DPP10: variants seen among roughly 807,000 people sequenced by gnomAD.
DPP10 encodes the protein dipeptidyl peptidase like 10, also known as inactive dipeptidyl peptidase 10.
In DPP10, 33 loss-of-function variants were observed where a neutral mutation model predicts 120.9. The observed-to-expected ratio is 0.27, with a 90% confidence interval of 0.21 to 0.37. The LOEUF is 0.37. DPP10 is among the 10% of genes least tolerant of loss of function. The probability of loss-of-function intolerance (pLI) is 1.00; values close to 1 mark genes in which losing one functional copy is unlikely to be tolerated. For missense variants in DPP10, 816 were observed against 942.8 expected (o/e 0.87, Z 1.76); for synonymous variants, 337 against 326.1 (o/e 1.03, Z -0.36).
rs187146045 is a variant in DPP10 at position 115,007,879 on chromosome 2, A to G, written c.61-301360A>G. 3.5e-3 allele frequency among the ~76,000 whole-genome samples: 526 copies of G among 151,862 alleles called. 2 individuals carry two copies. Among genetic ancestry groups the G allele is most frequent in the African/African-American group, 0.012 (488 of 41,442 alleles). On this transcript the variant is annotated intron_variant, in intron 1 of 25. Coordinates refer to ENST00000410059, the MANE Select transcript of DPP10 (RefSeq NM_020868.6). Reference sequence around the variant, plus strand: ...GGAATCCAGCTTACAAGGGAGGTGAAGGACCTCTTCAAGGAGAACTAGAAA... The same window carrying G: ...GGAATCCAGCTTACAAGGGAGGTGAGGGACCTCTTCAAGGAGAACTAGAAA...
At chr2:115,597,528 T>C (rs1232604092) in intron 5 of DPP10, among the ~76,000 whole-genome samples, 1 of 146,008 alleles carries the variant, frequency 6.8e-6, no homozygotes, top group Non-Finnish European at 1.5e-5. Flanking sequence ...AGGTCATATA[T>C]ACATATATAT....
intron 1 of DPP10, among the ~76,000 whole-genome samples, chr2:115,258,746 A>G (rs1040013386): frequency 3.9e-5 from 6 of 152,050 alleles, no homozygotes; most frequent in Non-Finnish European, 7.4e-5. Flanking sequence ...GGGCATCTCT[A>G]CTACTTAGGG....
intron 5 of DPP10, among the ~76,000 whole-genome samples, chr2:115,533,902 AAGTT>A (rs942864446): frequency 1.1e-4 from 16 of 152,038 alleles, no homozygotes; most frequent in Non-Finnish European, 1.8e-4. Flanking sequence ...CATTAAAAAT[AAGTT>A]AGTATCAATT....
intron 5 of DPP10, among the ~76,000 whole-genome samples, chr2:115,632,710 T>C (rs12711827): frequency 0.99 from 150,356 of 152,292 alleles, 74,255 homozygotes; most frequent in Non-Finnish European, 1. Flanking sequence ...CCAGAATCTA[T>C]AAAAAACTTA....
At chr2:115,043,929 A>G (rs1034988244) in intron 1 of DPP10, among the ~76,000 whole-genome samples, 1 of 152,148 alleles carries the variant, frequency 6.6e-6, no homozygotes, top group African/African-American at 2.4e-5. Flanking sequence ...TAGTAGGTAT[A>G]TATATTTATG....
At chr2:114,824,819 T>A (rs2106371042) in intron 1 of DPP10, among the ~76,000 whole-genome samples, 1 of 152,296 alleles carries the variant, frequency 6.6e-6, no homozygotes, top group Admixed American at 6.5e-5. Flanking sequence ...GCTTATGTAA[T>A]AAAGTTTCAG....
intron 7 of DPP10, among the ~76,000 whole-genome samples, chr2:115,715,499 A>G (rs935429833): frequency 3.3e-5 from 5 of 152,102 alleles, no homozygotes; most frequent in African/African-American, 1.2e-4. Context: ...TCAGATTCCA[A>G]CAACACTTTC....
chr2:115,063,221 C>T (rs1054724209), intron 1 of DPP10, among the ~76,000 whole-genome samples: 9 of 152,152 alleles, frequency 5.9e-5, no homozygotes, highest in African/African-American at 1.9e-4. Context: ...GTCCTTCGTC[C>T]ACTTTTTAAT....
At chr2:114,747,655 A>T (rs1310168086) in intron 1 of DPP10, among the ~76,000 whole-genome samples, 1 of 152,232 alleles carries the variant, frequency 6.6e-6, no homozygotes, top group Non-Finnish European at 1.5e-5. Flanking sequence ...GAAATGCTTC[A>T]TGAGTTTCCC....
intron 1 of DPP10, among the ~76,000 whole-genome samples, chr2:115,206,890 G>T (rs1474416418): frequency 6.6e-6 from 1 of 152,140 alleles, no homozygotes; most frequent in Non-Finnish European, 1.5e-5. Flanking sequence ...CCATGCTGAG[G>T]GTTCTATAGG....
At chr2:115,631,413 G>A (rs1040330193) in intron 5 of DPP10, among the ~76,000 whole-genome samples, 1 of 151,948 alleles carries the variant, frequency 6.6e-6, no homozygotes, top group Non-Finnish European at 1.5e-5. Flanking sequence ...TTCTCCTTCA[G>A]TTCTGCTCTG....
chr2:115,085,327 CGT>C (rs374792481), intron 1 of DPP10, among the ~76,000 whole-genome samples: 3 of 151,416 alleles, frequency 2.0e-5, no homozygotes, highest in African/African-American at 4.8e-5. Flanking sequence ...TGTGTGAGCA[CGT>C]GTGTGTGTGT....
intron 1 of DPP10, among the ~76,000 whole-genome samples, chr2:114,624,295 A>G (rs1157325853): frequency 6.6e-6 from 1 of 151,974 alleles, no homozygotes; most frequent in Admixed American, 6.6e-5. Flanking sequence ...AGAACTTGAT[A>G]TGTTCAGGAA....
intron 1 of DPP10, among the ~76,000 whole-genome samples, chr2:114,738,645 C>T (rs953928209): frequency 1.3e-5 from 2 of 152,122 alleles, no homozygotes; most frequent in Admixed American, 6.6e-5. Context: ...TTTAAAGCCT[C>T]AGTTTCCTTA....
chr2:115,330,362 A>C (rs1378299936), intron 2 of DPP10, among the ~76,000 whole-genome samples: 1 of 151,354 alleles, frequency 6.6e-6, no homozygotes, highest in African/African-American at 2.4e-5. Context: ...AGATTGCAAA[A>C]ATTTTCTCCC....
At chr2:115,195,601 CA>C (rs1376884699) in intron 1 of DPP10, among the ~76,000 whole-genome samples, 3 of 152,122 alleles carry the variant, frequency 2.0e-5, no homozygotes, top group Non-Finnish European at 4.4e-5. Context: ...ATTATTATTA[CA>C]TTTTTTTGTA....
intron 1 of DPP10, among the ~76,000 whole-genome samples, chr2:114,531,356 T>C (rs542613201): frequency 1.8e-4 from 28 of 151,966 alleles, no homozygotes; most frequent in Non-Finnish European, 3.1e-4. Context: ...TTATGTCACG[T>C]GTGAATCCTT....
At chr2:115,180,098 T>C (rs1262219714) in intron 1 of DPP10, among the ~76,000 whole-genome samples, 1 of 152,128 alleles carries the variant, frequency 6.6e-6, no homozygotes, top group African/African-American at 2.4e-5. Context: ...AACTTGTAGT[T>C]GTTAATGCTT....
At chr2:114,663,271 T>TATATATACAC (rs375462897) in intron 1 of DPP10, among the ~76,000 whole-genome samples, 50 of 147,350 alleles carry the variant, frequency 3.4e-4, no homozygotes, top group Admixed American at 1.1e-3. Context: ...TATATATATA[T>TATATATACAC]ACACACACAT....
Sources: allele counts gnomAD v4.1 joint callset (sites outside exome capture counted in the v4.1 genomes callset), GRCh38; gene constraint gnomAD v4.1.1; transcripts MANE v1.5; gene names NCBI Gene and HGNC (gene_info 2026-07-23, HGNC 2026-07-21).